Variants in PHF24 observed in about 807,000 individuals in gnomAD.
PHF24 encodes Galpha inhibitory interacting protein.
Under a neutral mutation model 42.6 loss-of-function variants are expected in PHF24, and 25 were observed. The observed-to-expected ratio is 0.59, with a 90% confidence interval of 0.43 to 0.82. The LOEUF (loss-of-function observed/expected upper bound fraction) is 0.82, where lower values mean the gene tolerates loss of function less well. PHF24 is among the 40% of genes least tolerant of loss of function. The pLI is 0.00. For missense variants in PHF24, 470 were observed against 538.1 expected (o/e 0.87, Z 1.25); for synonymous variants, 185 against 204.8 (o/e 0.90, Z 0.83).
chr9:34,727,004 C>T, the PHF24 span: 29,876 of 1,540,812 alleles, frequency 0.019, 380 homozygotes, highest in African/African-American at 0.042. Flanking sequence ...AAGGGAAACA[C>T]GGCAAAATTA....
At chr9:34,898,641 T>G in the PHF24 span, among the ~76,000 whole-genome samples, 11 of 152,328 alleles carry the variant, frequency 7.2e-5, no homozygotes, top group East Asian at 2.1e-3. Context: ...TTGAGTCAGC[T>G]TTTTAGTAGC....
At chr9:34,687,599 G>A in the PHF24 span, among the ~76,000 whole-genome samples, 1 of 152,164 alleles carries the variant, frequency 6.6e-6, no homozygotes, top group Non-Finnish European at 1.5e-5. Flanking sequence ...TAGCGTCCAG[G>A]GGCCCCTATC....
At chr9:34,903,677 C>T in the PHF24 span, among the ~76,000 whole-genome samples, 2 of 152,380 alleles carry the variant, frequency 1.3e-5, no homozygotes, top group East Asian at 1.9e-4. Flanking sequence ...TTCTTCTCAT[C>T]AGGTGTGTCC....
chr9:34,937,007 CCG>C, the PHF24 span, among the ~76,000 whole-genome samples: 2 of 149,008 alleles, frequency 1.3e-5, no homozygotes, highest in African/African-American at 5.0e-5. Context: ...GCCAGCCGCC[CCG>C]TCCGGGAGGG....
chr9:34,952,321 G>A, the PHF24 span, among the ~76,000 whole-genome samples: 1 of 152,166 alleles, frequency 6.6e-6, no homozygotes, highest in Non-Finnish European at 1.5e-5. Flanking sequence ...CAAACGATGT[G>A]CAGGATCTAT....
the PHF24 span, among the ~76,000 whole-genome samples, chr9:34,839,793 G>A: frequency 4.7e-4 from 72 of 152,302 alleles, no homozygotes; most frequent in African/African-American, 1.5e-3. Flanking sequence ...TGAATCAAGA[G>A]CCAATGGCTT....
At chr9:34,803,768 C>T in the PHF24 span, among the ~76,000 whole-genome samples, 5 of 152,084 alleles carry the variant, frequency 3.3e-5, no homozygotes, top group Non-Finnish European at 7.4e-5. Flanking sequence ...TGCAGTAGAC[C>T]GTTTTACATA....
the PHF24 span, among the ~76,000 whole-genome samples, chr9:34,816,139 T>C: frequency 6.6e-6 from 1 of 152,052 alleles, no homozygotes; most frequent in Non-Finnish European, 1.5e-5. Flanking sequence ...GGTAAACTTT[T>C]GCAATTCACT....
chr9:34,689,021 G>A, the PHF24 span, among the ~76,000 whole-genome samples: 1 of 152,174 alleles, frequency 6.6e-6, no homozygotes, highest in Admixed American at 6.5e-5. The surrounding 1 kb of genome is among the most constrained non-coding windows in gnomAD (Gnocchi z 4.1). Flanking sequence ...TGGAGGAAGA[G>A]GCGTCTGGAC....
chr9:34,964,253 T>A (rs958435838), intron 1 of PHF24, among the ~76,000 whole-genome samples: 1 of 152,124 alleles, frequency 6.6e-6, no homozygotes, highest in Non-Finnish European at 1.5e-5. Flanking sequence ...TGTGAGCCTT[T>A]TAAATAGCCT....
chr9:34,802,690 T>C, the PHF24 span, among the ~76,000 whole-genome samples: 2 of 152,236 alleles, frequency 1.3e-5, no homozygotes, highest in Non-Finnish European at 2.9e-5. Context: ...GGTTACAATC[T>C]GAAGAGGCTG....
intron 3 of PHF24, 121 bp from the exon 4 acceptor site, chr9:34,976,031 G>A: frequency 1.4e-6 from 1 of 711,062 alleles, no homozygotes; most frequent in African/African-American, 1.8e-5. Context: ...TTGTGAATAG[G>A]AGGCTGGGAT....
At chr9:34,858,149 C>T in the PHF24 span, among the ~76,000 whole-genome samples, 19 of 151,994 alleles carry the variant, frequency 1.3e-4, no homozygotes, top group Non-Finnish European at 2.2e-4. Context: ...CAGTTACTGG[C>T]GCTTTATTTT....
the PHF24 span, among the ~76,000 whole-genome samples, chr9:34,828,796 C>T: frequency 1.3e-5 from 2 of 152,130 alleles, no homozygotes; most frequent in Non-Finnish European, 2.9e-5. Flanking sequence ...TTCTTTGTTC[C>T]TCTATTTACT....
At chr9:34,901,670 C>CT in the PHF24 span, among the ~76,000 whole-genome samples, 1 of 152,036 alleles carries the variant, frequency 6.6e-6, no homozygotes, top group African/African-American at 2.4e-5. Flanking sequence ...AATCCCAGCA[C>CT]TTTGGGAGGC....
chr9:34,951,195 G>T, the PHF24 span, among the ~76,000 whole-genome samples: 1 of 152,140 alleles, frequency 6.6e-6, no homozygotes. Flanking sequence ...GTCTCATAAG[G>T]CTGCAACTAA....
chr9:34,880,093 C>G, the PHF24 span, among the ~76,000 whole-genome samples: 1 of 152,238 alleles, frequency 6.6e-6, no homozygotes, highest in African/African-American at 2.4e-5. Context: ...TCATATCCAG[C>G]CAAACTAAGC....
chr9:34,792,857 A>G, the PHF24 span, among the ~76,000 whole-genome samples: 2 of 152,184 alleles, frequency 1.3e-5, no homozygotes, highest in Non-Finnish European at 2.9e-5. Flanking sequence ...GAGCATCAGA[A>G]TGTTAAAGGG....
chr9:34,880,208 C>T, the PHF24 span, among the ~76,000 whole-genome samples: 4 of 152,162 alleles, frequency 2.6e-5, no homozygotes, highest in Non-Finnish European at 5.9e-5. Context: ...AAGCACTAAA[C>T]ATGGAAAGGA....
Sources: gnomAD v4.1 joint callset for allele counts (sites outside exome capture counted in the v4.1 genomes callset) on GRCh38, gnomAD v4.1.1 for gene constraint, Gnocchi (gnomAD v3.1) non-coding constraint, MANE v1.5 for transcripts, NCBI Gene and HGNC (gene_info 2026-07-23, HGNC 2026-07-21) for gene names.